ZSCAN5A: variants seen among roughly 807,000 people sequenced by gnomAD.
The protein encoded by ZSCAN5A is zinc finger and SCAN domain-containing protein 5A.
In ZSCAN5A, 12 loss-of-function variants were observed where a neutral mutation model predicts 23.7. The observed-to-expected ratio is 0.51, with a 90% confidence interval of 0.32 to 0.82. ZSCAN5A has a LOEUF of 0.82. Among genes scored for constraint, ZSCAN5A ranks in the 40% least tolerant of loss-of-function variants. ZSCAN5A has a pLI of 0.03. For synonymous variants in ZSCAN5A, 257 were observed against 239.9 expected (o/e 1.07, Z -0.66); for missense variants, 597 against 617.9 (o/e 0.97, Z 0.36).
intron 2 of ZSCAN5A, chr19:56,286,775 C>T (rs2147115138): frequency 6.6e-6 from 1 of 152,340 alleles, no homozygotes; most frequent in South Asian, 2.1e-4. Flanking sequence ...GGAGTTCAAG[C>T]TGAATCTGTG....
intron 2 of ZSCAN5A, chr19:56,228,252 C>T (rs1006359337): frequency 3.0e-6 from 3 of 985,244 alleles, no homozygotes; most frequent in Non-Finnish European, 3.6e-6. Flanking sequence ...GGACACTCAC[C>T]TCCTTCCCGG....
chr19:56,284,215 C>T (rs762154577), intron 2 of ZSCAN5A: 3 of 982,876 alleles, frequency 3.1e-6, no homozygotes, highest in Non-Finnish European at 3.6e-6. Flanking sequence ...AGGTAAGTAC[C>T]TTGCCACTTC....
At chr19:56,248,809 C>A (rs545893048) in intron 2 of ZSCAN5A, among the ~76,000 whole-genome samples, 3 of 152,138 alleles carry the variant, frequency 2.0e-5, no homozygotes, top group Admixed American at 6.5e-5. Context: ...ACTCCCTCCC[C>A]ACACGGCACA....
rs2034388092 is a variant in ZSCAN5A at position 56,230,652 on chromosome 19, T to TGTGTGTGTGC, written c.-127-5480_-127-5479insGCACACACAC. 2.0e-5 allele frequency among the ~76,000 whole-genome samples: 3 copies of TGTGTGTGTGC among 147,050 alleles called. No homozygotes were observed. In the Admixed American group the frequency reaches 2.1e-4, roughly 10 times the overall value. ...GTGTGTGTGTGTGTGTGTGTGTGTG[T>TGTGTGTGTGC]GTGTTGGAAACATTTAAGATACACC... On this transcript the variant is annotated intron_variant, in intron 2 of 5. Coordinates refer to ENST00000683990, the MANE Select transcript of ZSCAN5A (RefSeq NM_001322064.3).
chr19:56,315,287 G>C (rs966330182), upstream of ZSCAN5A: 1 of 152,272 alleles, frequency 6.6e-6, no homozygotes, highest in Non-Finnish European at 1.5e-5. Context: ...ATTGAGGCGT[G>C]TCTTCCCTGG....
In ZSCAN5A at chr19:56,272,421, T is replaced by C. The variant is rs369698028; in HGVS notation, c.-128+40862A>G. Among the ~76,000 whole-genome samples the C allele has an allele frequency of 1.4e-3, 213 of 152,326 alleles. 4 individuals are homozygous for C. The South Asian group carries it at 0.031, about 22-fold the overall frequency. On this transcript the variant is annotated intron_variant, in intron 2 of 5. Transcript: ENST00000683990. ...GTGAAATGGCATGGCTGTGTTCCAA[T>C]AACACTTTATTCATGGACACTGAAA...
At chr19:56,269,303 A>G (rs1288607915) in intron 2 of ZSCAN5A, among the ~76,000 whole-genome samples, 1 of 152,212 alleles carries the variant, frequency 6.6e-6, no homozygotes, top group African/African-American at 2.4e-5. Flanking sequence ...AACATTCACA[A>G]TTATATGGCA....
intron 2 of ZSCAN5A, among the ~76,000 whole-genome samples, chr19:56,252,860 A>T (rs1462341560): frequency 6.6e-6 from 1 of 152,210 alleles, no homozygotes; most frequent in Non-Finnish European, 1.5e-5. Flanking sequence ...AGGCAGCCAC[A>T]GGCAGGAGCT....
intron 2 of ZSCAN5A, among the ~76,000 whole-genome samples, chr19:56,290,158 C>T (rs1438945335): frequency 1.3e-5 from 2 of 152,176 alleles, no homozygotes; most frequent in Non-Finnish European, 2.9e-5. Flanking sequence ...AGGGGTGGGT[C>T]CCAGGAATCT....
At chr19:56,236,626 G>A (rs1600044352) in intron 2 of ZSCAN5A, among the ~76,000 whole-genome samples, 3 of 58,410 alleles carry the variant, frequency 5.1e-5, no homozygotes, top group Admixed American at 1.6e-4. Context: ...CTCCACTCCA[G>A]CCTCTGATGG....
chr19:56,258,871 C>G (rs1380527500), intron 2 of ZSCAN5A, among the ~76,000 whole-genome samples: 2 of 152,120 alleles, frequency 1.3e-5, no homozygotes, highest in Non-Finnish European at 2.9e-5. Flanking sequence ...CTTAAGTGCA[C>G]GAAGGCCTCA....
intron 2 of ZSCAN5A, among the ~76,000 whole-genome samples, chr19:56,277,734 G>C (rs2038372287): frequency 6.6e-6 from 1 of 151,936 alleles, no homozygotes; most frequent in Non-Finnish European, 1.5e-5. Flanking sequence ...AAAAAAATAA[G>C]GATAATAGAG....
rs574401078 is a variant in ZSCAN5A, at chr19:56,271,285, C to A, written c.-128+41998G>T. 1.3e-3 allele frequency among the ~76,000 whole-genome samples: 202 copies of A among 152,328 alleles called. 1 individual carries two copies. The Middle Eastern group carries it at 0.027, about 21-fold the overall frequency. On this transcript the variant is annotated intron_variant, in intron 2 of 5. Coordinates refer to ENST00000683990, the MANE Select transcript of ZSCAN5A (RefSeq NM_001322064.3). ...TTCCCTTTCTTTCACTATAAGCTTT[C>A]CCACTACCCTGCCTGCCTTTGAGTC... is the stretch of plus-strand genomic sequence containing the variant.
intron 2 of ZSCAN5A, among the ~76,000 whole-genome samples, chr19:56,327,831 A>G (rs996897345): frequency 1.3e-5 from 2 of 152,050 alleles, no homozygotes; most frequent in African/African-American, 4.8e-5. Context: ...TTACATATGC[A>G]TAGTTGTGTG....
At chr19:56,363,993 T>A (rs768337898) in intron 1 of ZSCAN5A, among the ~76,000 whole-genome samples, 1 of 152,116 alleles carries the variant, frequency 6.6e-6, no homozygotes, top group African/African-American at 2.4e-5. Flanking sequence ...ATAGAGAAAT[T>A]TGCATAAGTA....
At chr19:56,250,362 C>T (rs1568648259) in intron 2 of ZSCAN5A, among the ~76,000 whole-genome samples, 1 of 152,234 alleles carries the variant, frequency 6.6e-6, no homozygotes, top group African/African-American at 2.4e-5. Context: ...TTGAGAACCA[C>T]TGGTGTACAG....
chr19:56,243,906 G>GTTT, intron 2 of ZSCAN5A: 1 of 479,180 alleles, frequency 2.1e-6, no homozygotes, highest in South Asian at 3.4e-5. Flanking sequence ...TCGGGCTCAT[G>GTTT]TTTTTTTTTG....
intron 4 of ZSCAN5A, 69 bp downstream of exon 4, chr19:56,223,562 A>G (rs1334722500): frequency 6.5e-7 from 1 of 1,528,552 alleles, no homozygotes; most frequent in Non-Finnish European, 9.0e-7. Context: ...CAATCAGTCC[A>G]GCGGCCACAC....
At chr19:56,362,828 G>A (rs2041742696) in intron 2 of ZSCAN5A, among the ~76,000 whole-genome samples, 1 of 150,262 alleles carries the variant, frequency 6.7e-6, no homozygotes, top group Admixed American at 6.6e-5. Flanking sequence ...CCAAGATCAT[G>A]CCACTGCACT....
Sources: gnomAD v4.1 joint callset for allele counts (sites outside exome capture counted in the v4.1 genomes callset) on GRCh38, gnomAD v4.1.1 for gene constraint, MANE v1.5 for transcripts, NCBI Gene and HGNC (gene_info 2026-07-23, HGNC 2026-07-21) for gene names.